ZDHHC14: variants seen among roughly 807,000 people sequenced by gnomAD.
ZDHHC14 encodes palmitoyltransferase ZDHHC14.
A neutral mutation model predicts 47.7 loss-of-function variants in ZDHHC14; 16 were observed. The ratio of observed to expected loss-of-function variants is 0.34; its 90% CI spans 0.23 to 0.51. The LOEUF is 0.51. Among genes scored for constraint, ZDHHC14 ranks in the 20% least tolerant of loss-of-function variants. ZDHHC14 has a pLI of 0.97. For missense variants in ZDHHC14, 515 were observed against 662.5 expected, an observed-to-expected ratio of 0.78 and a Z score of 2.44; for synonymous variants, 293 against 278.9, an observed-to-expected ratio of 1.05 and a Z score of -0.50.
chr6:157,418,753 T>C (rs1385743184), intron 1 of ZDHHC14, among the ~76,000 whole-genome samples: 1 of 152,092 alleles, frequency 6.6e-6, no homozygotes, highest in Non-Finnish European at 1.5e-5. Flanking sequence ...CCAGAAACAT[T>C]TTAGTGAGTG....
chr6:157,467,855 A>G lies in ZDHHC14; in HGVS notation c.246-74730A>G, dbSNP rs373462457. ...GTGATTCATCCCTCATTATGGCGGT[A>G]TAATATTCTGTTGTATGAGTAGACC... On this transcript the variant is annotated intron_variant, in intron 1 of 8. Coordinates refer to ENST00000359775, the MANE Select transcript of ZDHHC14 (RefSeq NM_024630.3). Among the ~76,000 whole-genome samples the G allele has an allele frequency of 3.4e-4, 52 of 152,242 alleles. 1 individual carries two copies. The East Asian group carries it at 9.1e-3, about 27-fold the overall frequency.
At chr6:157,447,782 C>G (rs1220494105) in intron 1 of ZDHHC14, among the ~76,000 whole-genome samples, 1 of 152,106 alleles carries the variant, frequency 6.6e-6, no homozygotes, top group Non-Finnish European at 1.5e-5. Flanking sequence ...GATGAGTGGG[C>G]CTCTGTTATA....
intron 1 of ZDHHC14, among the ~76,000 whole-genome samples, chr6:157,506,497 G>C (rs1780328516): frequency 6.6e-6 from 1 of 152,220 alleles, no homozygotes; most frequent in Non-Finnish European, 1.5e-5. Context: ...AGATGATGTG[G>C]ACTTCTCTAA....
intron 1 of ZDHHC14, among the ~76,000 whole-genome samples, chr6:157,401,136 A>C (rs934951940): frequency 1.3e-5 from 2 of 152,198 alleles, no homozygotes; most frequent in African/African-American, 4.8e-5. Flanking sequence ...TCAGATGCCA[A>C]AGCCTTGCCA....
intron 1 of ZDHHC14, among the ~76,000 whole-genome samples, chr6:157,515,609 T>G (rs1583736942): frequency 6.6e-6 from 1 of 151,788 alleles, no homozygotes; most frequent in Non-Finnish European, 1.5e-5. Context: ...GATTACAGGC[T>G]CCCGCCACCA....
Position 157,570,838 on chromosome 6 carries a change from C to T in ZDHHC14, c.407-22150C>T, listed in dbSNP as rs548763238. ...ACACATATATATATATATACACACA[C>T]ACATACATCTATATTGCCCTTCTGA... On this transcript the variant is annotated intron_variant, in intron 2 of 8. Coordinates refer to ENST00000359775, the MANE Select transcript of ZDHHC14 (RefSeq NM_024630.3). Among the ~76,000 whole-genome samples, 21 of 152,116 alleles carry T rather than the reference C, an allele frequency of 1.4e-4. No individual in the cohort carries two copies. In the East Asian group the frequency reaches 4.1e-3, roughly 29 times the overall value.
intron 1 of ZDHHC14, among the ~76,000 whole-genome samples, chr6:157,430,480 C>T (rs983383358): frequency 7.9e-5 from 12 of 152,162 alleles, no homozygotes; most frequent in African/African-American, 2.9e-4. Flanking sequence ...CCAGAGGCTG[C>T]CCCCGCCTTT....
intron 1 of ZDHHC14, among the ~76,000 whole-genome samples, chr6:157,542,126 C>T (rs1353914981): frequency 2.0e-5 from 3 of 152,114 alleles, no homozygotes; most frequent in Admixed American, 1.3e-4. Flanking sequence ...TGAAAGTTCC[C>T]GAGTCATTTG....
At chr6:157,404,051 A>G (rs531131406) in intron 1 of ZDHHC14, among the ~76,000 whole-genome samples, 1 of 152,380 alleles carries the variant, frequency 6.6e-6, no homozygotes, top group South Asian at 2.1e-4. Context: ...TATTAGTTCC[A>G]TTTTACAGAT....
chr6:157,381,462 GCC>G lies in ZDHHC14; in HGVS notation c.-559_-558del. 1 of 343,290 alleles carries G rather than the reference GCC, an allele frequency of 2.9e-6. No individual in the cohort carries two copies. The highest frequency in any genetic ancestry group is 2.0e-5 in the South Asian group (1 of 50,866). 21.3% of individuals were successfully genotyped at this position (343,290 alleles called of 1,614,324 possible). ...GTTGTCCCCACCCCTGGGAGGGGTT[GCC>G]GGTGCCGCGCGCGGCCGCCCAGTCG... is the stretch of plus-strand genomic sequence containing the variant. On this transcript the variant is annotated 5_prime_UTR_variant, in exon 1 of 9. Transcript: ENST00000359775.
chr6:157,531,331 G>A (rs1198736244), intron 1 of ZDHHC14, among the ~76,000 whole-genome samples: 2 of 152,120 alleles, frequency 1.3e-5, no homozygotes, highest in African/African-American at 2.4e-5. Context: ...AGTCCAGGGA[G>A]GATTACACTG....
At chr6:157,653,346 G>A (rs1777927190) in intron 7 of ZDHHC14, among the ~76,000 whole-genome samples, 179 bp from the exon 8 acceptor site, 1 of 152,154 alleles carries the variant, frequency 6.6e-6, no homozygotes, top group African/African-American at 2.4e-5. Flanking sequence ...TGTTTAAAGG[G>A]AGAAGGGACA....
chr6:157,557,382 TCTGATAG>T (rs1321455264), intron 2 of ZDHHC14, among the ~76,000 whole-genome samples: 1 of 152,152 alleles, frequency 6.6e-6, no homozygotes, highest in African/African-American at 2.4e-5. Context: ...GGGTGCCTGT[TCTGATAG>T]AAGGGAAAAG....
chr6:157,417,281 A>T (rs1303556302), intron 1 of ZDHHC14, among the ~76,000 whole-genome samples: 1 of 152,110 alleles, frequency 6.6e-6, no homozygotes, highest in African/African-American at 2.4e-5. Flanking sequence ...TGCTCTGCCT[A>T]GTTAGATGCT....
chr6:157,651,621 T>A (rs979678634), intron 7 of ZDHHC14, among the ~76,000 whole-genome samples: 4 of 151,726 alleles, frequency 2.6e-5, no homozygotes, highest in African/African-American at 9.7e-5. Flanking sequence ...CAGGCTGGAG[T>A]GCAATGGCAT....
intron 1 of ZDHHC14, among the ~76,000 whole-genome samples, chr6:157,512,143 C>T (rs1187757468): frequency 6.6e-6 from 1 of 152,194 alleles, no homozygotes; most frequent in Non-Finnish European, 1.5e-5. Context: ...TTATTATCCT[C>T]ATGTTCGAGT....
intron 1 of ZDHHC14, among the ~76,000 whole-genome samples, chr6:157,495,840 G>T (rs1192436626): frequency 6.6e-6 from 1 of 151,740 alleles, no homozygotes; most frequent in Non-Finnish European, 1.5e-5. Flanking sequence ...GGGTACCTGG[G>T]ACTACAGGCA....
chr6:157,618,917 A>G (rs1785071952), intron 3 of ZDHHC14, among the ~76,000 whole-genome samples: 1 of 152,144 alleles, frequency 6.6e-6, no homozygotes, highest in Non-Finnish European at 1.5e-5. Flanking sequence ...AATTATTTAC[A>G]TTACAAATGA....
intron 1 of ZDHHC14, among the ~76,000 whole-genome samples, chr6:157,469,007 A>G (rs980887039): frequency 5.3e-5 from 8 of 152,188 alleles, no homozygotes; most frequent in Non-Finnish European, 1.0e-4. Context: ...CTGGGAGGGA[A>G]GAGGTCTTAA....
Sources: allele counts gnomAD v4.1 joint callset (sites outside exome capture counted in the v4.1 genomes callset), GRCh38; gene constraint gnomAD v4.1.1; transcripts MANE v1.5; gene names NCBI Gene and HGNC (gene_info 2026-07-23, HGNC 2026-07-21).